The following CENPP variants were observed in gnomAD, a reference collection of about 807,000 sequenced individuals.
CENPP encodes the protein centromere protein P.
CENPP carries 24 observed loss-of-function variants against 35.6 expected under a neutral mutation model. The observed-to-expected ratio is 0.67, with a 90% CI of 0.49 to 0.95. CENPP has a LOEUF of 0.95. Among genes scored for constraint, CENPP ranks in the 40% least tolerant of loss-of-function variants. CENPP has a pLI of 0.00. For synonymous variants in CENPP, 120 were observed against 125.5 expected (o/e 0.96, Z 0.29); for missense variants, 332 against 345.3 (o/e 0.96, Z 0.31).
intron 5 of CENPP, chr9:92,385,867 C>T: frequency 7.0e-7 from 1 of 1,438,104 alleles, no homozygotes; most frequent in Non-Finnish European, 9.7e-7. Flanking sequence ...GTAAAGGAAA[C>T]CTAAGTCAGA....
intron 5 of CENPP, among the ~76,000 whole-genome samples, chr9:92,458,975 G>A (rs1023427411): frequency 4.6e-5 from 7 of 152,170 alleles, no homozygotes; most frequent in Admixed American, 2.6e-4. Flanking sequence ...AAGCTCCTTG[G>A]AAGATGAAAA....
At chr9:92,569,549 T>C (rs1345832722) in intron 5 of CENPP, among the ~76,000 whole-genome samples, 1 of 152,160 alleles carries the variant, frequency 6.6e-6, no homozygotes, top group African/African-American at 2.4e-5. Flanking sequence ...CTTAGGATTG[T>C]CTTGGAAATG....
At chr9:92,494,498 A>C (rs1041575714) in intron 5 of CENPP, among the ~76,000 whole-genome samples, 1 of 152,312 alleles carries the variant, frequency 6.6e-6, no homozygotes, top group South Asian at 2.1e-4. Flanking sequence ...TCTTCCTAAC[A>C]ACCTGCTATA....
intron 5 of CENPP, among the ~76,000 whole-genome samples, chr9:92,450,178 C>A (rs922221387): frequency 6.6e-6 from 1 of 151,670 alleles, no homozygotes; most frequent in African/African-American, 2.4e-5. Flanking sequence ...ATGTGCCATG[C>A]TGGTGTGCTG....
Position 92,618,975 on chromosome 9 carries a change from C to T in CENPP, c.*5826C>T, listed in dbSNP as rs1250971594. On this transcript the variant is annotated 3_prime_UTR_variant, in exon 8 of 8. Transcript: ENST00000375587. ...CCCGAATTCCCAGAAACAGAGGGGACTGGACAAAACTAGTGACATTAGGGA... is the reference window on the plus strand; with the variant it reads ...CCCGAATTCCCAGAAACAGAGGGGATTGGACAAAACTAGTGACATTAGGGA... 3.7e-6 allele frequency: 1 copy of T among 269,922 alleles called. No homozygotes were observed. The highest frequency in any genetic ancestry group is 2.2e-5 in the African/African-American group (1 of 45,274). The allele number at this position is 269,922 out of a possible 1,614,324, so 16.7% of individuals were successfully genotyped here. A position where few individuals can be genotyped will look rare whatever the true frequency, so the allele number is the denominator to read the frequency against.
chr9:92,495,564 T>G, intron 5 of CENPP: 1 of 980,000 alleles, frequency 1.0e-6, no homozygotes. Flanking sequence ...TGTCTTAATC[T>G]TGAGTGAGGA....
At chr9:92,552,091 TATG>T (rs1198987203) in intron 5 of CENPP, among the ~76,000 whole-genome samples, 4 of 136,398 alleles carry the variant, frequency 2.9e-5, no homozygotes, top group South Asian at 2.3e-4. Flanking sequence ...ATATATGTGA[TATG>T]ATAGATCTAT....
At chr9:92,606,763 G>A (rs911943707) in intron 5 of CENPP, among the ~76,000 whole-genome samples, 2 of 152,144 alleles carry the variant, frequency 1.3e-5, no homozygotes, top group Non-Finnish European at 1.5e-5. Context: ...AATTAGCCAG[G>A]TGTGGTGGCA....
chr9:92,498,591 T>A (rs1411546118), intron 5 of CENPP, among the ~76,000 whole-genome samples: 1 of 152,136 alleles, frequency 6.6e-6, no homozygotes, highest in Non-Finnish European at 1.5e-5. Flanking sequence ...GAGCAATTTC[T>A]AAAAACCAAA....
chr9:92,589,130 C>T (rs555353127), intron 5 of CENPP, among the ~76,000 whole-genome samples: 1 of 151,882 alleles, frequency 6.6e-6, no homozygotes, highest in South Asian at 2.1e-4. Context: ...GAGTTCAAGA[C>T]CAGCCTGAGC....
At chr9:92,546,767 A>G (rs1387459301) in intron 5 of CENPP, among the ~76,000 whole-genome samples, 14 of 152,226 alleles carry the variant, frequency 9.2e-5, no homozygotes, top group Non-Finnish European at 2.9e-5. Flanking sequence ...TAGTAAATTG[A>G]TATATTTAGA....
At chr9:92,537,955 A>G (rs1398450381) in intron 5 of CENPP, among the ~76,000 whole-genome samples, 3 of 152,150 alleles carry the variant, frequency 2.0e-5, no homozygotes, top group African/African-American at 7.2e-5. Flanking sequence ...AAATACATAC[A>G]TTGTTTTTTG....
chr9:92,615,184 G>C lies in CENPP; in HGVS notation c.*2035G>C, dbSNP rs991114887. ...AAAAAAGGTCAATGCTCGCATGAGTGGTGTCCATCCTGACCTGAGCCTTGC... is the reference window on the plus strand; with the variant it reads ...AAAAAAGGTCAATGCTCGCATGAGTCGTGTCCATCCTGACCTGAGCCTTGC... On this transcript the variant is annotated 3_prime_UTR_variant, in exon 8 of 8. Transcript: ENST00000375587. 1 of 152,300 alleles carries C rather than the reference G, an allele frequency of 6.6e-6. No individual in the cohort carries two copies. The highest frequency in any genetic ancestry group is 1.5e-5 in the Non-Finnish European group (1 of 68,104). The allele number at this position is 152,300 out of a possible 1,614,324, so 9.4% of individuals were successfully genotyped here.
chr9:92,438,081 T>C (rs890394448), intron 5 of CENPP, among the ~76,000 whole-genome samples: 1 of 152,250 alleles, frequency 6.6e-6, no homozygotes, highest in African/African-American at 2.4e-5. Flanking sequence ...GTGCTGGGAT[T>C]ACAGATGTCA....
chr9:92,369,516 T>C lies in CENPP; in HGVS notation c.468-10247T>C, dbSNP rs376204844. 8.9e-4 allele frequency among the ~76,000 whole-genome samples: 136 copies of C among 152,296 alleles called. 1 individual carries two copies. The highest frequency in any genetic ancestry group is 3.1e-3 in the African/African-American group (127 of 41,566). On this transcript the variant is annotated intron_variant, in intron 4 of 7. Transcript: ENST00000375587. ...AAAAACTCACTCAAGGGCAAATTGT[T>C]GATTATCTCTAGAGATTGGCTAGGA... is the stretch of plus-strand genomic sequence containing the variant.
At chr9:92,474,731 AGAGAGTTGTCC>A in intron 5 of CENPP, 1 of 1,594,460 alleles carries the variant, frequency 6.3e-7, no homozygotes, top group Non-Finnish European at 8.5e-7. Flanking sequence ...TGTTGGAAAA[AGAGAGTTGTCC>A]TCATCATCAT....
intron 5 of CENPP, among the ~76,000 whole-genome samples, chr9:92,441,593 T>C (rs1171549946): frequency 6.6e-6 from 1 of 152,000 alleles, no homozygotes; most frequent in Admixed American, 6.6e-5. Flanking sequence ...ACTCCACCTC[T>C]ACAAAAAACA....
At chr9:92,611,176 C>A in intron 5 of CENPP, 138 bp from the exon 6 acceptor site, 1 of 690,168 alleles carries the variant, frequency 1.4e-6, no homozygotes, top group South Asian at 1.7e-5. Context: ...GCAAGAGGGG[C>A]GGTTGGCACC....
intron 5 of CENPP, among the ~76,000 whole-genome samples, chr9:92,552,692 G>GT (rs1367817734): frequency 1.3e-5 from 2 of 151,998 alleles, no homozygotes; most frequent in Non-Finnish European, 1.5e-5. Context: ...TGATAGGATT[G>GT]TTTTTTTCTT....
Sources: gnomAD v4.1 joint callset for allele counts (sites outside exome capture counted in the v4.1 genomes callset) on GRCh38, gnomAD v4.1.1 for gene constraint, MANE v1.5 for transcripts, NCBI Gene and HGNC (gene_info 2026-07-23, HGNC 2026-07-21) for gene names.